The following CSNK2A2IP variants were observed in gnomAD, a reference collection of about 807,000 sequenced individuals.
CSNK2A2IP encodes casein kinase II subunit alpha'-interacting protein.
the CSNK2A2IP span, among the ~76,000 whole-genome samples, chr3:88,441,468 G>C: frequency 1.3e-5 from 2 of 152,058 alleles, no homozygotes; most frequent in African/African-American, 4.8e-5. Context: ...AGAAAAAAAG[G>C]CAATAAAAAA....
the CSNK2A2IP span, among the ~76,000 whole-genome samples, chr3:88,456,777 T>C: frequency 6.6e-6 from 1 of 152,056 alleles, no homozygotes; most frequent in East Asian, 1.9e-4. Context: ...AATACATGTG[T>C]CTTTTTCCCA....
chr3:88,463,063 T>A, the CSNK2A2IP span, among the ~76,000 whole-genome samples: 2 of 152,128 alleles, frequency 1.3e-5, no homozygotes, highest in Admixed American at 6.5e-5. Flanking sequence ...TAAAGAGAAA[T>A]TTCTAGCAAT....
chr3:88,393,532 TACACA>T, the CSNK2A2IP span, among the ~76,000 whole-genome samples: 1 of 152,216 alleles, frequency 6.6e-6, no homozygotes, highest in African/African-American at 2.4e-5. Flanking sequence ...TACATACACA[TACACA>T]TATTTATGTA....
At chr3:88,396,565 A>C in the CSNK2A2IP span, among the ~76,000 whole-genome samples, 3 of 152,230 alleles carry the variant, frequency 2.0e-5, no homozygotes, top group African/African-American at 7.2e-5. Flanking sequence ...AACAAGGAAC[A>C]TGAGAAACGA....
chr3:88,379,838 C>T, the CSNK2A2IP span, among the ~76,000 whole-genome samples: 1 of 151,992 alleles, frequency 6.6e-6, no homozygotes, highest in Non-Finnish European at 1.5e-5. Flanking sequence ...GTAGTGCAGG[C>T]TATTGTTTTT....
the CSNK2A2IP span, among the ~76,000 whole-genome samples, chr3:88,363,924 T>C: frequency 2.6e-5 from 4 of 152,190 alleles, no homozygotes; most frequent in African/African-American, 9.7e-5. Context: ...TTTCTTCCCC[T>C]GGCTTTGGAT....
chr3:88,458,405 C>T, the CSNK2A2IP span, among the ~76,000 whole-genome samples: 1 of 152,062 alleles, frequency 6.6e-6, no homozygotes, highest in African/African-American at 2.4e-5. Flanking sequence ...CTTGCCTTGG[C>T]CTTCCAAAAT....
chr3:88,419,061 C>T, the CSNK2A2IP span, among the ~76,000 whole-genome samples: 2 of 152,192 alleles, frequency 1.3e-5, no homozygotes, highest in African/African-American at 4.8e-5. Context: ...TGTCTCCCAT[C>T]ACCCCCAGAT....
chr3:88,352,995 C>T, the CSNK2A2IP span, among the ~76,000 whole-genome samples: 2 of 152,108 alleles, frequency 1.3e-5, no homozygotes, highest in Admixed American at 6.6e-5. Context: ...AGGATAAATT[C>T]CCCTCAAGCT....
At chr3:88,449,854 C>CACACACACACACACACAT in the CSNK2A2IP span, among the ~76,000 whole-genome samples, 6 of 84,360 alleles carry the variant, frequency 7.1e-5, no homozygotes, top group African/African-American at 2.4e-4. Flanking sequence ...CACACACACA[C>CACACACACACACACACAT]ATATATATAT....
At chr3:88,403,786 A>T in the CSNK2A2IP span, among the ~76,000 whole-genome samples, 1 of 152,180 alleles carries the variant, frequency 6.6e-6, no homozygotes, top group East Asian at 1.9e-4. Context: ...AAATGATAGC[A>T]TAATTCTAAA....
the CSNK2A2IP span, among the ~76,000 whole-genome samples, chr3:88,460,457 C>T: frequency 1.3e-5 from 2 of 152,150 alleles, no homozygotes; most frequent in African/African-American, 4.8e-5. Context: ...CCTCACTCTC[C>T]AACTCTCTCT....
the CSNK2A2IP span, among the ~76,000 whole-genome samples, chr3:88,405,418 G>T: frequency 6.6e-6 from 1 of 152,120 alleles, no homozygotes; most frequent in Non-Finnish European, 1.5e-5. Context: ...AGGGGAAAAA[G>T]GTCATTGAGT....
At chr3:88,428,098 C>T in the CSNK2A2IP span, among the ~76,000 whole-genome samples, 9 of 152,210 alleles carry the variant, frequency 5.9e-5, no homozygotes, top group Non-Finnish European at 1.2e-4. Context: ...TTTGCATCAG[C>T]ATTCCCTGGA....
At chr3:88,391,144 T>G in the CSNK2A2IP span, among the ~76,000 whole-genome samples, 1 of 152,220 alleles carries the variant, frequency 6.6e-6, no homozygotes, top group African/African-American at 2.4e-5. Flanking sequence ...TGTTTATGTC[T>G]ATTTCTGTGA....
the CSNK2A2IP span, among the ~76,000 whole-genome samples, chr3:88,350,741 G>A: frequency 6.6e-6 from 1 of 152,162 alleles, no homozygotes; most frequent in East Asian, 1.9e-4. Flanking sequence ...ACCATAAAGG[G>A]CACTGAGTGA....
chr3:88,467,392 G>T, the CSNK2A2IP span: 2 of 398,466 alleles, frequency 5.0e-6, no homozygotes, highest in African/African-American at 4.1e-5. Context: ...TCGGTTGCCT[G>T]CAGGGGTCTC....
chr3:88,441,951 G>A, the CSNK2A2IP span, among the ~76,000 whole-genome samples: 4 of 152,050 alleles, frequency 2.6e-5, no homozygotes, highest in East Asian at 1.9e-4. Context: ...AAACAGAAGC[G>A]AAGTTTAGAC....
the CSNK2A2IP span, among the ~76,000 whole-genome samples, chr3:88,339,435 A>G: frequency 6.6e-6 from 1 of 151,930 alleles, no homozygotes; most frequent in African/African-American, 2.4e-5. Flanking sequence ...TTCTTGATCT[A>G]TTTGTCCACT....
Sources: gnomAD v4.1 joint callset for allele counts (sites outside exome capture counted in the v4.1 genomes callset) on GRCh38, gnomAD v4.1.1 for gene constraint, MANE v1.5 for transcripts, NCBI Gene and HGNC (gene_info 2026-07-23, HGNC 2026-07-21) for gene names.